ARMH3: variants seen among roughly 807,000 people sequenced by gnomAD.
ARMH3 encodes the protein armadillo like helical domain containing 3, also known as armadillo-like helical domain-containing protein 3.
A neutral mutation model predicts 99.1 loss-of-function variants in ARMH3; 60 were observed. The ratio of observed to expected loss-of-function variants is 0.61; its 90% CI spans 0.49 to 0.75. The LOEUF is 0.75. Among genes scored for constraint, ARMH3 ranks in the 30% least tolerant of loss-of-function variants. The probability of loss-of-function intolerance (pLI) is 0.00; values close to 1 mark genes in which losing one functional copy is unlikely to be tolerated. For missense variants in ARMH3, 679 were observed against 843.1 expected, an observed-to-expected ratio of 0.81 and a Z score of 2.41; for synonymous variants, 285 against 292.8, an observed-to-expected ratio of 0.97 and a Z score of 0.27.
At chr10:101,909,617 G>A (rs562097849) in intron 23 of ARMH3, among the ~76,000 whole-genome samples, 5 of 151,882 alleles carry the variant, frequency 3.3e-5, no homozygotes, top group African/African-American at 1.2e-4. Context: ...CCACAGGCGC[G>A]TGCCACCAGG....
Position 101,967,737 on chromosome 10 carries a change from G to T in ARMH3, c.1495+7475C>A, listed in dbSNP as rs143327501. The stretch of plus-strand genomic sequence containing the variant: ...GGGCTACAGAGCAAGACTCAGTCGT[G>T]GGGGGAGCAGGGGGCGGGGAACAAC... On this transcript the variant is annotated intron_variant, in intron 20 of 25. Coordinates refer to ENST00000370033, the MANE Select transcript of ARMH3 (RefSeq NM_024541.3). Among the ~76,000 whole-genome samples, 1,197 of 152,166 alleles carry T rather than the reference G, an allele frequency of 7.9e-3. 12 individuals are homozygous for T. The highest frequency in any genetic ancestry group is 0.012 in the Non-Finnish European group (826 of 67,982).
chr10:101,902,655 TTGTC>T (rs1422191677), intron 23 of ARMH3, among the ~76,000 whole-genome samples: 48 of 152,166 alleles, frequency 3.2e-4, no homozygotes, highest in African/African-American at 1.2e-3. Flanking sequence ...CCACAGCTCT[TTGTC>T]TGCAACAGGG....
chr10:102,050,504 A>G (rs1252553652), intron 1 of ARMH3, among the ~76,000 whole-genome samples: 1 of 152,120 alleles, frequency 6.6e-6, no homozygotes, highest in African/African-American at 2.4e-5. Flanking sequence ...AGATTCAGTT[A>G]AAGTTACACT....
Position 102,029,735 on chromosome 10 carries a change from G to A in ARMH3, c.317C>T (p.Ala106Val), listed in dbSNP as rs1255109628. The A allele has an allele frequency of 1.9e-6, 3 of 1,612,514 alleles. No homozygotes were observed. Among genetic ancestry groups the A allele is most frequent in the Admixed American group, 3.3e-5 (2 of 60,006 alleles). The change falls in exon 5 of 26, where the codon GCA becomes GTA. Residue 106 changes from alanine to valine, a missense_variant. Ala to Val is a moderately conservative substitution (Grantham distance 64). Around this residue, in one of 3 missense-constraint regions of ARMH3, gnomAD observed 280 missense variants for 354.6 expected, o/e 0.79. Transcript: ENST00000370033. ...CTTTTGATGGACTCCTCGAATGAGT[G>A]CGCACAGGGTCTGCAGAAATGAGAG... is the stretch of plus-strand genomic sequence containing the variant. ...RVVNALQTLCALIRGVHQKNK... is the reference protein window; with the variant it reads ...RVVNALQTLCVLIRGVHQKNK...
intron 23 of ARMH3, among the ~76,000 whole-genome samples, chr10:101,920,188 A>C (rs1175634025): frequency 6.6e-6 from 1 of 152,250 alleles, no homozygotes; most frequent in Non-Finnish European, 1.5e-5. Context: ...ATAAGTAGAC[A>C]GTTGCTGCTG....
intron 2 of ARMH3, among the ~76,000 whole-genome samples, chr10:102,036,118 G>A (rs923217606): frequency 6.8e-6 from 1 of 147,838 alleles, no homozygotes; most frequent in African/African-American, 2.5e-5. Flanking sequence ...AGGGAGGTGG[G>A]GGGCAGCCCC....
chr10:102,007,180 A>G (rs1052103771), intron 13 of ARMH3, among the ~76,000 whole-genome samples: 2 of 148,622 alleles, frequency 1.3e-5, no homozygotes, highest in South Asian at 4.3e-4. Flanking sequence ...AAAAAAAAAG[A>G]AAAAAAAAGC....
At chr10:102,008,729 A>T (rs1259432475) in intron 13 of ARMH3, among the ~76,000 whole-genome samples, 4 of 149,750 alleles carry the variant, frequency 2.7e-5, no homozygotes, top group South Asian at 2.1e-4. Context: ...TTTTTTTTTT[A>T]ATTTTTTTTT....
intron 2 of ARMH3, among the ~76,000 whole-genome samples, chr10:102,034,664 C>T (rs909375378): frequency 2.0e-5 from 3 of 150,844 alleles, no homozygotes; most frequent in African/African-American, 7.3e-5. Flanking sequence ...AAAGAGAAGC[C>T]CTACTTTAAA....
intron 8 of ARMH3, among the ~76,000 whole-genome samples, chr10:102,015,391 A>AT (rs58969567): frequency 0.21 from 29,406 of 141,944 alleles, 3,236 homozygotes; most frequent in East Asian, 0.51. Context: ...AGGTTTTGGG[A>AT]TTTTTTTTTT....
intron 5 of ARMH3, among the ~76,000 whole-genome samples, chr10:102,025,649 C>A (rs1175343333): frequency 1.3e-5 from 2 of 151,876 alleles, no homozygotes; most frequent in African/African-American, 2.4e-5. Flanking sequence ...CTTTTCTTTT[C>A]TTTTCTTTTC....
intron 23 of ARMH3, among the ~76,000 whole-genome samples, chr10:101,912,548 C>CT (rs1376692943): frequency 6.6e-6 from 1 of 152,152 alleles, no homozygotes; most frequent in Non-Finnish European, 1.5e-5. Flanking sequence ...CTCTGCTGAG[C>CT]TCATTTATTC....
chr10:102,019,806 T>C (rs1482791500), intron 8 of ARMH3, among the ~76,000 whole-genome samples: 1 of 151,260 alleles, frequency 6.6e-6, no homozygotes, highest in Admixed American at 6.6e-5. Context: ...CAGGCACTTG[T>C]AATCCCAGCT....
chr10:102,053,807 C>G (rs954467528), intron 1 of ARMH3, among the ~76,000 whole-genome samples: 1 of 151,920 alleles, frequency 6.6e-6, no homozygotes, highest in African/African-American at 2.4e-5. Flanking sequence ...TACAGGCGCC[C>G]GCCACCACAC....
At chr10:101,922,310 A>AT (rs1247539826) in intron 23 of ARMH3, among the ~76,000 whole-genome samples, 2 of 152,166 alleles carry the variant, frequency 1.3e-5, no homozygotes, top group Non-Finnish European at 2.9e-5. Flanking sequence ...TGGCACAATC[A>AT]TACCTCATTG....
chr10:101,890,227 CAT>C lies in ARMH3; in HGVS notation c.1782-739_1782-738del, dbSNP rs921545002. On this transcript the variant is annotated intron_variant, in intron 23 of 25. Coordinates refer to ENST00000370033, the MANE Select transcript of ARMH3 (RefSeq NM_024541.3). Reference sequence around the variant, plus strand: ...TAGAGAGAGACAAATCTCTTTTTTTCATATATATATATATATTTATTTATATT... The same window carrying C: ...TAGAGAGAGACAAATCTCTTTTTTTCATATATATATATATTTATTTATATT... Among the ~76,000 whole-genome samples, 922 of 148,014 alleles carry C rather than the reference CAT, an allele frequency of 6.2e-3. 14 individuals are homozygous for C. Among genetic ancestry groups the C allele is most frequent in the African/African-American group, 0.019 (770 of 40,696 alleles).
At chr10:102,000,716 G>C (rs1484838475) in intron 15 of ARMH3, among the ~76,000 whole-genome samples, 1 of 151,642 alleles carries the variant, frequency 6.6e-6, no homozygotes, top group Non-Finnish European at 1.5e-5. Flanking sequence ...GCTGCAGTGA[G>C]CTGAAACCAC....
chr10:101,896,152 G>A (rs952936516), intron 23 of ARMH3, among the ~76,000 whole-genome samples: 3 of 152,138 alleles, frequency 2.0e-5, no homozygotes, highest in Non-Finnish European at 4.4e-5. Context: ...GATCACTTGA[G>A]CCTAGGAGGC....
At chr10:101,995,732 C>T (rs2136030998) in intron 15 of ARMH3, among the ~76,000 whole-genome samples, 1 of 152,308 alleles carries the variant, frequency 6.6e-6, no homozygotes, top group Middle Eastern at 3.4e-3. Context: ...CATCTGCCAG[C>T]TCTAAGCACC....
Sources: allele counts gnomAD v4.1 joint callset (sites outside exome capture counted in the v4.1 genomes callset), GRCh38; gene constraint gnomAD v4.1.1; regional missense constraint gnomAD v4.1.1; transcripts MANE v1.5; gene names NCBI Gene and HGNC (gene_info 2026-07-23, HGNC 2026-07-21).